LDB1: variants seen among roughly 807,000 people sequenced by gnomAD.
The protein encoded by LDB1 is LIM domain-binding protein 1.
Under a neutral mutation model 49.7 loss-of-function variants are expected in LDB1, and 6 were observed. The observed-to-expected ratio is 0.12, with a 90% CI of 0.07 to 0.24. The LOEUF (loss-of-function observed/expected upper bound fraction) is 0.24. Among genes scored for constraint, LDB1 ranks in the 10% least tolerant of loss-of-function variants. The probability of loss-of-function intolerance (pLI) is 1.00; values close to 1 mark genes in which losing one functional copy is unlikely to be tolerated. For missense variants in LDB1, 341 were observed against 561.7 expected (o/e 0.61, Z 3.97); for synonymous variants, 233 against 202.0 (o/e 1.15, Z -1.30).
chr10:102,118,202 A>G (rs2068358210), intron 1 of LDB1, among the ~76,000 whole-genome samples: 1 of 152,080 alleles, frequency 6.6e-6, no homozygotes, highest in South Asian at 2.1e-4. Flanking sequence ...CTCAACTGCT[A>G]CTATTCCCCA....
At chr10:102,110,200 C>T (rs1372153533) in intron 6 of LDB1, among the ~76,000 whole-genome samples, 157 bp from the exon 7 acceptor site, 3 of 152,062 alleles carry the variant, frequency 2.0e-5, no homozygotes, top group Non-Finnish European at 2.9e-5. Flanking sequence ...GTACCCCCCA[C>T]CCATATACCT....
At chr10:102,114,114 A>G (rs1214767969) in intron 1 of LDB1, among the ~76,000 whole-genome samples, 1 of 152,206 alleles carries the variant, frequency 6.6e-6, no homozygotes, top group Non-Finnish European at 1.5e-5. Flanking sequence ...CCTCTAGCAA[A>G]TTGGAAGCCT....
chr10:102,109,912 A>C lies in LDB1; in HGVS notation c.648+9T>G. ...CACTCTTGCATCCTGGGTCCTGCCC[A>C]CGACTCACATGCATGGCAAGGATGC... is the stretch of plus-strand genomic sequence containing the variant. On this transcript the variant is annotated intron_variant, in intron 7 of 10. Transcript: ENST00000673968. The surrounding 1 kb of genome is among the most constrained non-coding windows in gnomAD (Gnocchi z 5.8). 6.2e-7 allele frequency: 1 copy of C among 1,606,032 alleles called. No homozygotes were observed. The highest frequency in any genetic ancestry group is 1.7e-4 in the Middle Eastern group (1 of 6,034).
At chr10:102,102,144 T>TG (rs1248144746), downstream of LDB1, among the ~76,000 whole-genome samples, 3 of 152,154 alleles carry the variant, frequency 2.0e-5, no homozygotes, top group Non-Finnish European at 4.4e-5. Context: ...AGGTGGGTCT[T>TG]GAACTCCTGA....
chr10:102,111,620 T>C lies in LDB1; in HGVS notation c.26-84A>G, dbSNP rs554435175. 1,419 of 746,402 alleles carry C rather than the reference T, an allele frequency of 1.9e-3. 1 individual carries two copies. The highest frequency in any genetic ancestry group is 3.3e-3 in the Admixed American group (108 of 33,002). 46.2% of individuals were successfully genotyped at this position (746,402 alleles called of 1,614,324 possible). A position where few individuals can be genotyped will look rare whatever the true frequency, so the allele number is the denominator to read the frequency against. On this transcript the variant is annotated intron_variant, in intron 1 of 10. Transcript: ENST00000673968. ...ACTTTGGGAGTCCAAGGCAAGAAGA[T>C]TGATTGAGCACAGGAGGTCGAGGCT...
chr10:102,120,390 C>T (rs937705400), upstream of LDB1: 54 of 983,640 alleles, frequency 5.5e-5, no homozygotes, highest in Middle Eastern at 5.2e-4. Context: ...CGTGTGTGCG[C>T]GTGTGCGTGT....
downstream of LDB1, among the ~76,000 whole-genome samples, chr10:102,103,970 T>C (rs1288942628): frequency 6.7e-6 from 1 of 150,358 alleles, no homozygotes; most frequent in Non-Finnish European, 1.5e-5. Context: ...TTGGGACGCA[T>C]GAGAATCATT....
downstream of LDB1, among the ~76,000 whole-genome samples, chr10:102,104,395 T>G (rs1160297014): frequency 1.3e-5 from 2 of 152,252 alleles, no homozygotes; most frequent in East Asian, 3.9e-4. Flanking sequence ...CCTGCACATA[T>G]AAACAGATCC....
chr10:102,109,020 G>T lies in LDB1; in HGVS notation c.1005+9C>A. On this transcript the variant is annotated intron_variant, in intron 10 of 10. Coordinates refer to ENST00000673968, the MANE Select transcript of LDB1 (RefSeq NM_001113407.3). This position sits in a 1 kb window ranked among gnomAD's most constrained non-coding sequence, Gnocchi z 5.8. ...AGCCCAGAAGAGAGAAGAAAGCCGA[G>T]ATGCTTACAGGTACCTGGCTGGAGA... 6.2e-7 allele frequency: 1 copy of T among 1,614,242 alleles called. No individual in the cohort carries two copies. Among genetic ancestry groups the T allele is most frequent in the Non-Finnish European group, 8.5e-7 (1 of 1,180,048 alleles).
chr10:102,114,133 G>T (rs185322530), intron 1 of LDB1, among the ~76,000 whole-genome samples: 210 of 152,374 alleles, frequency 1.4e-3, no homozygotes, highest in African/African-American at 4.7e-3. Context: ...CTTTAGGAAG[G>T]GGGAGAGAAG....
At chr10:102,114,812 G>GGGGGGGCCCCCCCC in intron 1 of LDB1, 4 of 929,812 alleles carry the variant, frequency 4.3e-6, no homozygotes, top group Non-Finnish European at 5.1e-6. Flanking sequence ...CCTCCGAGCA[G>GGGGGGGCCCCCCCC]CCCGCCCGCC....
Position 102,117,947 on chromosome 10 carries a change from G to C in LDB1, c.25+2139C>G, listed in dbSNP as rs1214086446. 6.6e-6 allele frequency among the ~76,000 whole-genome samples: 1 copy of C among 152,140 alleles called. No homozygotes were observed. The highest frequency in any genetic ancestry group is 2.4e-5 in the African/African-American group (1 of 41,414). On this transcript the variant is annotated intron_variant, in intron 1 of 10. Coordinates refer to ENST00000673968, the MANE Select transcript of LDB1 (RefSeq NM_001113407.3). The surrounding 1 kb of genome is among the most constrained non-coding windows in gnomAD (Gnocchi z 4.2). ...TCCCTCAGTCACATGTGTGGGGCATGTGCTGTCTCTGCCGGGCTGGGGGAG... is the reference window on the plus strand; with the variant it reads ...TCCCTCAGTCACATGTGTGGGGCATCTGCTGTCTCTGCCGGGCTGGGGGAG...
At chr10:102,115,233 C>G (rs1318630610) in intron 1 of LDB1, among the ~76,000 whole-genome samples, 2 of 152,186 alleles carry the variant, frequency 1.3e-5, no homozygotes, top group Non-Finnish European at 2.9e-5. Flanking sequence ...CCCGCCTCCC[C>G]CGAGCCCCAG....
At position 102,109,222 on chromosome 10, in the gene LDB1, C is replaced by T; in HGVS notation, c.857-45G>A. 6.2e-7 allele frequency: 1 copy of T among 1,611,512 alleles called. No homozygotes were observed. Among genetic ancestry groups the T allele is most frequent in the Non-Finnish European group, 8.5e-7 (1 of 1,179,432 alleles). ...CTCAGATGGGAGAGGGCCCCAGGTC[C>T]CCTATTCTCCATTGTGGCTCCCAAG... is the stretch of plus-strand genomic sequence containing the variant. On this transcript the variant is annotated intron_variant, in intron 9 of 10. Coordinates refer to ENST00000673968, the MANE Select transcript of LDB1 (RefSeq NM_001113407.3). The surrounding 1 kb of genome is among the most constrained non-coding windows in gnomAD (Gnocchi z 5.8).
chr10:102,109,879 C>T lies in LDB1; in HGVS notation c.648+42G>A, dbSNP rs750474954. The T allele has an allele frequency of 1.9e-6, 3 of 1,594,850 alleles. No homozygotes were observed. The highest frequency in any genetic ancestry group is 1.7e-6 in the Non-Finnish European group (2 of 1,170,504). On this transcript the variant is annotated intron_variant, in intron 7 of 10. Coordinates refer to ENST00000673968, the MANE Select transcript of LDB1 (RefSeq NM_001113407.3). This position sits in a 1 kb window ranked among gnomAD's most constrained non-coding sequence, Gnocchi z 5.8. ...CAGACCTTGTTCCACCCTTCCCCCGCCTGCCTTCACTCTTGCATCCTGGGT... is the reference window on the plus strand; with the variant it reads ...CAGACCTTGTTCCACCCTTCCCCCGTCTGCCTTCACTCTTGCATCCTGGGT...
intron 1 of LDB1, chr10:102,114,925 G>T: frequency 1.2e-6 from 1 of 801,650 alleles, no homozygotes; most frequent in Non-Finnish European, 1.5e-6. Context: ...CGCAGCGCCC[G>T]CCGGCTGCCT....
At chr10:102,111,329 G>C (rs776444861) in intron 2 of LDB1, 29 bp from the exon 3 acceptor site, 9 of 1,612,474 alleles carry the variant, frequency 5.6e-6, no homozygotes, top group South Asian at 1.1e-5. Flanking sequence ...TATGAGAATG[G>C]GGGTTGAAGA....
At chr10:102,110,140 GCATA>G (rs2068230845) in intron 6 of LDB1, 97 bp from the exon 7 acceptor site, 1 of 1,367,822 alleles carries the variant, frequency 7.3e-7, no homozygotes, top group African/African-American at 1.4e-5. Flanking sequence ...CTCTCCCATT[GCATA>G]CACTTTTGTC....
intron 1 of LDB1, among the ~76,000 whole-genome samples, chr10:102,113,939 G>T (rs1331688896): frequency 6.6e-6 from 1 of 152,184 alleles, no homozygotes; most frequent in African/African-American, 2.4e-5. Flanking sequence ...ACTCCCAGTG[G>T]CTCCAGCACA....
Sources: gnomAD v4.1 joint callset for allele counts (sites outside exome capture counted in the v4.1 genomes callset) on GRCh38, gnomAD v4.1.1 for gene constraint, Gnocchi (gnomAD v3.1) non-coding constraint, MANE v1.5 for transcripts, NCBI Gene and HGNC (gene_info 2026-07-23, HGNC 2026-07-21) for gene names.